Variants in ZNF407 observed in about 807,000 individuals in gnomAD.
The protein encoded by ZNF407 is zinc finger protein 407.
A neutral mutation model predicts 131.2 loss-of-function variants in ZNF407; 17 were observed. The ratio of observed to expected loss-of-function variants is 0.13; its 90% CI spans 0.09 to 0.19. The LOEUF is 0.19. Among genes scored for constraint, ZNF407 ranks in the 10% least tolerant of loss-of-function variants. The pLI is 1.00. For synonymous variants in ZNF407, 1,156 were observed against 1,062.0 expected (o/e 1.09, Z -1.72); for missense variants, 2,681 against 2,830.6 (o/e 0.95, Z 1.20).
At chr18:74,698,036 A>G (rs1010759913) in intron 3 of ZNF407, among the ~76,000 whole-genome samples, 3 of 152,198 alleles carry the variant, frequency 2.0e-5, no homozygotes, top group Non-Finnish European at 4.4e-5. Context: ...ATTTGATTAC[A>G]TTTATTCATT....
rs752018856 is a variant in ZNF407, at chr18:74,632,238, G to A, written c.1219G>A (p.Gly407Ser). 2.5e-6 allele frequency: 4 copies of A among 1,613,834 alleles called. No individual in the cohort carries two copies. The highest frequency in any genetic ancestry group is 1.7e-5 in the Admixed American group (1 of 60,000). Reference protein sequence around the residue: ...STKNTLQAAHGNSVTSRPRPE... With the variant: ...STKNTLQAAHSNSVTSRPRPE... The stretch of plus-strand genomic sequence containing the variant: ...AAAAAATACCCTTCAGGCAGCACAC[G>A]GTAACAGTGTAACCTCGAGGCCAAG... The change falls in exon 2 of 9, where the codon GGT becomes AGT. Residue 407 changes from glycine to serine, a missense_variant. Physicochemically the swap from Gly to Ser is moderately conservative, Grantham distance 56. Transcript: ENST00000299687.
At chr18:74,717,976 A>C (rs1207247021) in intron 3 of ZNF407, among the ~76,000 whole-genome samples, 1 of 152,076 alleles carries the variant, frequency 6.6e-6, no homozygotes, top group Non-Finnish European at 1.5e-5. Context: ...ATTTTATTTT[A>C]ATTTTAGACT....
chr18:74,653,635 T>C (rs1283672729), intron 3 of ZNF407, among the ~76,000 whole-genome samples: 1 of 151,846 alleles, frequency 6.6e-6, no homozygotes, highest in African/African-American at 2.4e-5. Context: ...TATTGAATCT[T>C]CATATATTGA....
At chr18:74,656,474 G>A (rs1373791045) in intron 3 of ZNF407, among the ~76,000 whole-genome samples, 1 of 152,078 alleles carries the variant, frequency 6.6e-6, no homozygotes, top group Non-Finnish European at 1.5e-5. Flanking sequence ...TTTACAAAAG[G>A]ATCAAGGAGC....
intron 1 of ZNF407, among the ~76,000 whole-genome samples, chr18:74,611,545 A>C (rs953401638): frequency 2.0e-5 from 3 of 152,206 alleles, no homozygotes; most frequent in African/African-American, 7.2e-5. Context: ...GACCAAAATG[A>C]TGTATAGTTT....
chr18:74,972,573 G>C (rs1018976524), intron 8 of ZNF407, among the ~76,000 whole-genome samples: 5 of 152,168 alleles, frequency 3.3e-5, no homozygotes, highest in Non-Finnish European at 7.3e-5. Flanking sequence ...TGTTGCCACT[G>C]CCTGAGCTCA....
intron 7 of ZNF407, chr18:74,898,049 G>A (rs918740404): frequency 6.6e-6 from 1 of 152,122 alleles, no homozygotes; most frequent in African/African-American, 2.4e-5. Flanking sequence ...AATATTGCCT[G>A]TCTGGAGCCT....
intron 1 of ZNF407, among the ~76,000 whole-genome samples, chr18:74,613,953 T>A (rs1171572245): frequency 6.6e-6 from 1 of 152,222 alleles, no homozygotes; most frequent in Non-Finnish European, 1.5e-5. Flanking sequence ...TTGAATATAA[T>A]GGCAACTTCA....
intron 3 of ZNF407, among the ~76,000 whole-genome samples, chr18:74,754,856 C>T (rs978315620): frequency 3.3e-5 from 5 of 152,140 alleles, no homozygotes; most frequent in Admixed American, 2.6e-4. Flanking sequence ...CTGTAGATGT[C>T]TATTAGATCC....
intron 1 of ZNF407, among the ~76,000 whole-genome samples, chr18:74,613,113 A>G (rs1275278404): frequency 6.6e-6 from 1 of 152,206 alleles, no homozygotes; most frequent in Non-Finnish European, 1.5e-5. Flanking sequence ...TAAGGAGTGC[A>G]TCTTTCAGTT....
At chr18:74,993,212 T>C (rs1972739286) in intron 8 of ZNF407, among the ~76,000 whole-genome samples, 1 of 152,262 alleles carries the variant, frequency 6.6e-6, no homozygotes, top group Non-Finnish European at 1.5e-5. Flanking sequence ...GATAGTTCTA[T>C]ATGTTTATAA....
intron 3 of ZNF407, among the ~76,000 whole-genome samples, chr18:74,653,940 G>A (rs1985339454): frequency 6.6e-6 from 1 of 151,562 alleles, no homozygotes; most frequent in Non-Finnish European, 1.5e-5. Context: ...TCCTTTTTTT[G>A]AGTGAAATTT....
intron 4 of ZNF407, among the ~76,000 whole-genome samples, chr18:74,866,572 C>T (rs1302825153): frequency 2.0e-5 from 3 of 151,942 alleles, no homozygotes; most frequent in African/African-American, 4.8e-5. Flanking sequence ...ATAATAGATA[C>T]ATAAAGACCT....
At chr18:74,641,426 A>G (rs1984710838) in intron 3 of ZNF407, among the ~76,000 whole-genome samples, 1 of 152,160 alleles carries the variant, frequency 6.6e-6, no homozygotes. Flanking sequence ...CCATTTAAAG[A>G]CATACAAAAA....
intron 3 of ZNF407, among the ~76,000 whole-genome samples, chr18:74,689,457 G>A (rs958339613): frequency 2.6e-5 from 4 of 152,182 alleles, no homozygotes; most frequent in Non-Finnish European, 5.9e-5. Context: ...TGTGGTTGCA[G>A]TCAATGAAAG....
At chr18:74,835,992 A>T (rs1314966477) in intron 4 of ZNF407, among the ~76,000 whole-genome samples, 3 of 148,964 alleles carry the variant, frequency 2.0e-5, no homozygotes, top group Non-Finnish European at 4.4e-5. Context: ...CTCCTTTGGG[A>T]TAAGGGACCC....
At chr18:74,835,629 GGTGTGTGTGTGTGTGT>G in intron 4 of ZNF407, among the ~76,000 whole-genome samples, 1 of 92,200 alleles carries the variant, frequency 1.1e-5, no homozygotes, top group African/African-American at 5.8e-5. Context: ...GACAGAGGGG[GGTGTGTGTGTGTGTGT>G]GTGTGTGTGT....
At chr18:74,750,746 A>G (rs1173015461) in intron 3 of ZNF407, among the ~76,000 whole-genome samples, 1 of 152,124 alleles carries the variant, frequency 6.6e-6, no homozygotes, top group African/African-American at 2.4e-5. Context: ...GAATTGCTGG[A>G]TCTTGTGCTA....
At chr18:74,840,568 A>G (rs137956135) in intron 4 of ZNF407, among the ~76,000 whole-genome samples, 569 of 152,090 alleles carry the variant, frequency 3.7e-3, no homozygotes, top group Non-Finnish European at 5.8e-3. Context: ...GAACATTGAG[A>G]TAGATCTTGC....
Sources: gnomAD v4.1 joint callset for allele counts (sites outside exome capture counted in the v4.1 genomes callset) on GRCh38, gnomAD v4.1.1 for gene constraint, MANE v1.5 for transcripts, NCBI Gene and HGNC (gene_info 2026-07-23, HGNC 2026-07-21) for gene names.